The following AFF3 variants were observed in gnomAD, a reference collection of about 807,000 sequenced individuals.
AFF3 encodes ALF transcription elongation factor 3, also known as AF4/FMR2 family member 3.
AFF3 carries 32 observed loss-of-function variants against 129.7 expected under a neutral mutation model. That is an observed-to-expected ratio of 0.25 (90% CI 0.19 to 0.33). AFF3 has a LOEUF of 0.33. Among genes scored for constraint, AFF3 ranks in the 10% least tolerant of loss-of-function variants. The pLI, the probability that AFF3 is intolerant of heterozygous loss-of-function variation, is 1.00. For synonymous variants in AFF3, 644 were observed against 635.4 expected (o/e 1.01, Z -0.20); for missense variants, 1,373 against 1,592.0 (o/e 0.86, Z 2.34).
At chr2:99,917,911 G>T (rs528614319) in intron 7 of AFF3, among the ~76,000 whole-genome samples, 1 of 151,930 alleles carries the variant, frequency 6.6e-6, no homozygotes, top group Non-Finnish European at 1.5e-5. Context: ...TTATATGGCC[G>T]TTATATAAAA....
chr2:99,901,621 C>T (rs181885216), intron 7 of AFF3, among the ~76,000 whole-genome samples: 78 of 152,308 alleles, frequency 5.1e-4, no homozygotes, highest in African/African-American at 1.7e-3. Context: ...TCACCCCCAT[C>T]CAATGCATCC....
chr2:99,836,650 A>C (rs1688895881), intron 8 of AFF3, among the ~76,000 whole-genome samples: 1 of 152,170 alleles, frequency 6.6e-6, no homozygotes, highest in Admixed American at 6.5e-5. Flanking sequence ...ACTCACTAGC[A>C]ATTAAAAAAA....
chr2:99,697,211 A>G (rs1676375242), intron 11 of AFF3, among the ~76,000 whole-genome samples: 1 of 152,212 alleles, frequency 6.6e-6, no homozygotes, highest in African/African-American at 2.4e-5. Flanking sequence ...AGTTCCATTC[A>G]GTTTCCTGCA....
intron 12 of AFF3, among the ~76,000 whole-genome samples, chr2:99,664,892 A>C (rs1686541482): frequency 6.6e-6 from 1 of 152,248 alleles, no homozygotes; most frequent in African/African-American, 2.4e-5. Flanking sequence ...GATGAGATTC[A>C]GGTAAAAAGA....
intron 4 of AFF3, among the ~76,000 whole-genome samples, chr2:100,021,952 A>G (rs1214416441): frequency 1.3e-5 from 2 of 152,192 alleles, no homozygotes; most frequent in African/African-American, 4.8e-5. Context: ...CAGGACAAAA[A>G]ATGTCTGTGA....
intron 4 of AFF3, among the ~76,000 whole-genome samples, chr2:100,065,628 G>A (rs1208188602): frequency 6.6e-6 from 1 of 152,068 alleles, no homozygotes; most frequent in African/African-American, 2.4e-5. Context: ...ATGAATTCTA[G>A]GATTAACATT....
intron 7 of AFF3, among the ~76,000 whole-genome samples, chr2:99,848,085 C>G (rs1402662705): frequency 6.6e-6 from 1 of 151,562 alleles, no homozygotes; most frequent in African/African-American, 2.4e-5. Context: ...AGTTCAAGAC[C>G]CTGTCTCTAC....
intron 7 of AFF3, among the ~76,000 whole-genome samples, chr2:99,851,805 C>T (rs112204258): frequency 1.3e-5 from 2 of 152,332 alleles, no homozygotes; most frequent in African/African-American, 4.8e-5. Context: ...CAATTTGTTA[C>T]TCCATTGACA....
At chr2:99,801,213 C>T (rs968309777) in intron 8 of AFF3, among the ~76,000 whole-genome samples, 2 of 152,134 alleles carry the variant, frequency 1.3e-5, no homozygotes, top group Non-Finnish European at 2.9e-5. Flanking sequence ...AGACTTCATA[C>T]ATGTAATACT....
intron 9 of AFF3, among the ~76,000 whole-genome samples, chr2:99,746,125 T>TA (rs1043296003): frequency 7.5e-6 from 1 of 133,222 alleles, no homozygotes; most frequent in African/African-American, 2.8e-5. Flanking sequence ...GCTATTAAAA[T>TA]AAAAAAAATT....
At chr2:99,621,298 T>C (rs1049578082) in intron 13 of AFF3, among the ~76,000 whole-genome samples, 31 of 152,354 alleles carry the variant, frequency 2.0e-4, no homozygotes, top group African/African-American at 7.5e-4. Context: ...GCACACAGCA[T>C]TGCTGTGTAA....
intron 4 of AFF3, among the ~76,000 whole-genome samples, chr2:100,095,476 C>G (rs1382632826): frequency 2.6e-5 from 4 of 152,212 alleles, no homozygotes; most frequent in Non-Finnish European, 5.9e-5. Context: ...CCAAATAATG[C>G]TAAACACTAT....
At chr2:99,696,075 A>T (rs1676238480) in intron 11 of AFF3, among the ~76,000 whole-genome samples, 1 of 151,828 alleles carries the variant, frequency 6.6e-6, no homozygotes, top group South Asian at 2.1e-4. Context: ...CACTCCTCAC[A>T]GCCTGACAGC....
intron 2 of AFF3, among the ~76,000 whole-genome samples, chr2:100,126,687 C>G (rs1692206283): frequency 6.6e-6 from 1 of 152,080 alleles, no homozygotes; most frequent in Admixed American, 6.6e-5. Flanking sequence ...TACTATTTCC[C>G]CCTTGAGAAA....
chr2:99,935,087 G>A (rs1035370488), intron 7 of AFF3, among the ~76,000 whole-genome samples: 2 of 152,214 alleles, frequency 1.3e-5, no homozygotes, highest in African/African-American at 2.4e-5. Context: ...GCACATTCAT[G>A]TCTGAACATG....
intron 7 of AFF3, among the ~76,000 whole-genome samples, chr2:99,930,893 TA>T (rs1164065631): frequency 1.1e-4 from 16 of 152,230 alleles, no homozygotes; most frequent in Non-Finnish European, 2.4e-4. Context: ...GAGATGTACA[TA>T]TTTTTTTAAA....
At chr2:99,709,187 C>G (rs1384959215) in intron 11 of AFF3, among the ~76,000 whole-genome samples, 1 of 152,140 alleles carries the variant, frequency 6.6e-6, no homozygotes, top group Non-Finnish European at 1.5e-5. Context: ...CCCAGGAGTT[C>G]AAGGCCAGCC....
intron 11 of AFF3, among the ~76,000 whole-genome samples, chr2:99,680,991 T>G (rs1416355960): frequency 6.6e-6 from 1 of 152,232 alleles, no homozygotes; most frequent in African/African-American, 2.4e-5. Context: ...TAAAAATTAT[T>G]GATGCCCAGC....
At chr2:100,134,806 G>A (rs147450671) in intron 1 of AFF3, among the ~76,000 whole-genome samples, 1 of 152,276 alleles carries the variant, frequency 6.6e-6, no homozygotes, top group Non-Finnish European at 1.5e-5. Context: ...CATAGGACCA[G>A]GCATTGTTCT....
Sources: gnomAD v4.1 joint callset for allele counts (sites outside exome capture counted in the v4.1 genomes callset) on GRCh38, gnomAD v4.1.1 for gene constraint, MANE v1.5 for transcripts, NCBI Gene and HGNC (gene_info 2026-07-23, HGNC 2026-07-21) for gene names.